QTMAN: variants seen among roughly 807,000 people sequenced by gnomAD.
QTMAN encodes queuosine-tRNA mannosyltransferase.
chr2:144,133,893 C>T, the QTMAN span, among the ~76,000 whole-genome samples: 7,221 of 152,038 alleles, frequency 0.047, 562 homozygotes, highest in African/African-American at 0.16. Context: ...ACTTTAGCTT[C>T]AGATTAATAT....
the QTMAN span, among the ~76,000 whole-genome samples, chr2:144,086,207 T>C: frequency 6.6e-6 from 1 of 152,176 alleles, no homozygotes. Flanking sequence ...AACATTTTGC[T>C]CTTAGCATTT....
At chr2:144,107,871 C>A in the QTMAN span, among the ~76,000 whole-genome samples, 14 of 152,156 alleles carry the variant, frequency 9.2e-5, no homozygotes, top group African/African-American at 2.4e-4. Flanking sequence ...TACTGGCAAA[C>A]CGAATCCAGC....
chr2:144,154,655 T>C, the QTMAN span, among the ~76,000 whole-genome samples: 1 of 152,248 alleles, frequency 6.6e-6, no homozygotes, highest in Non-Finnish European at 1.5e-5. Flanking sequence ...GTTAAAAATG[T>C]GGGATCTAGT....
chr2:144,021,668 C>A, the QTMAN span, among the ~76,000 whole-genome samples: 1 of 152,116 alleles, frequency 6.6e-6, no homozygotes, highest in East Asian at 1.9e-4. Flanking sequence ...GATAGTGACA[C>A]AGAAACTAAG....
chr2:144,180,689 T>A, the QTMAN span, among the ~76,000 whole-genome samples: 1 of 152,212 alleles, frequency 6.6e-6, no homozygotes, highest in Non-Finnish European at 1.5e-5. Context: ...AGGTGGCTGC[T>A]GCCTTTAAGT....
the QTMAN span, among the ~76,000 whole-genome samples, chr2:144,288,797 C>T: frequency 3.3e-5 from 5 of 152,148 alleles, no homozygotes; most frequent in Non-Finnish European, 7.3e-5. Context: ...GCGAAATCTA[C>T]TGCTGACCAA....
chr2:144,171,801 GGAAC>G, the QTMAN span, among the ~76,000 whole-genome samples: 2 of 152,002 alleles, frequency 1.3e-5, no homozygotes, highest in Admixed American at 1.3e-4. Context: ...AATAATTTAT[GGAAC>G]GAAGCCATTA....
the QTMAN span, among the ~76,000 whole-genome samples, chr2:144,308,162 G>GTTTTTT: frequency 8.1e-5 from 9 of 110,812 alleles, no homozygotes; most frequent in African/African-American, 1.1e-4. Context: ...ATGATTGGTT[G>GTTTTTT]TTTTTTTTTT....
At chr2:144,176,813 A>G in the QTMAN span, among the ~76,000 whole-genome samples, 1 of 152,190 alleles carries the variant, frequency 6.6e-6, no homozygotes, top group Admixed American at 6.6e-5. Context: ...ATCTCCTTGG[A>G]CACTGTACTA....
the QTMAN span, among the ~76,000 whole-genome samples, chr2:144,206,558 T>C: frequency 1.4e-4 from 21 of 152,334 alleles, no homozygotes; most frequent in African/African-American, 5.1e-4. Flanking sequence ...AAAGACTGAT[T>C]AGATTAGTAT....
chr2:144,199,796 AC>A, the QTMAN span, among the ~76,000 whole-genome samples: 1 of 152,210 alleles, frequency 6.6e-6, no homozygotes, highest in Non-Finnish European at 1.5e-5. Context: ...TTTGTTCATG[AC>A]ATCATAAAAC....
At chr2:144,010,735 T>C in the QTMAN span, among the ~76,000 whole-genome samples, 1 of 152,080 alleles carries the variant, frequency 6.6e-6, no homozygotes, top group Non-Finnish European at 1.5e-5. Context: ...AGAATTGATT[T>C]ATGAGGACAG....
At chr2:144,198,055 T>A in the QTMAN span, among the ~76,000 whole-genome samples, 1 of 152,112 alleles carries the variant, frequency 6.6e-6, no homozygotes. Flanking sequence ...AGCAAGACAC[T>A]GTCTCTGCAA....
chr2:144,331,946 G>C, the QTMAN span, among the ~76,000 whole-genome samples: 1 of 152,168 alleles, frequency 6.6e-6, no homozygotes, highest in East Asian at 1.9e-4. Context: ...CACTGCAAGG[G>C]GCCAAGCGCC....
At chr2:144,331,493 C>T in the QTMAN span, among the ~76,000 whole-genome samples, 1 of 151,488 alleles carries the variant, frequency 6.6e-6, no homozygotes, top group Non-Finnish European at 1.5e-5. Flanking sequence ...CATCAACTCA[C>T]GTTTTCCATT....
the QTMAN span, among the ~76,000 whole-genome samples, chr2:144,239,471 G>C: frequency 6.6e-6 from 1 of 152,028 alleles, no homozygotes; most frequent in African/African-American, 2.4e-5. Flanking sequence ...TCACTAACCA[G>C]AAGTGATGCT....
chr2:144,082,764 G>A, the QTMAN span, among the ~76,000 whole-genome samples: 1 of 152,076 alleles, frequency 6.6e-6, no homozygotes, highest in African/African-American at 2.4e-5. Flanking sequence ...CAGGTTTCTT[G>A]CTCTCAGTCA....
the QTMAN span, among the ~76,000 whole-genome samples, chr2:144,100,946 T>C: frequency 1.5e-5 from 2 of 136,604 alleles, no homozygotes; most frequent in African/African-American, 5.5e-5. Context: ...CTCAGCTCAC[T>C]GCAAGCTCCG....
the QTMAN span, among the ~76,000 whole-genome samples, chr2:144,032,164 A>C: frequency 1.3e-5 from 2 of 152,172 alleles, no homozygotes; most frequent in African/African-American, 4.8e-5. Context: ...AAGCTTTGGA[A>C]TGTGACAGTT....
Sources: allele counts gnomAD v4.1 joint callset (sites outside exome capture counted in the v4.1 genomes callset), GRCh38; gene constraint gnomAD v4.1.1; transcripts MANE v1.5; gene names NCBI Gene and HGNC (gene_info 2026-07-23, HGNC 2026-07-21).